Variants in SND1 observed in about 807,000 individuals in gnomAD.
SND1 encodes staphylococcal nuclease domain-containing protein 1.
A neutral mutation model predicts 121.7 loss-of-function variants in SND1; 38 were observed. The observed-to-expected ratio is 0.31, with a 90% CI of 0.24 to 0.41. The LOEUF (loss-of-function observed/expected upper bound fraction) is 0.41. Ranked by LOEUF, SND1 falls within the 10% of genes least tolerant of loss-of-function variation. The probability of loss-of-function intolerance (pLI) is 1.00; values close to 1 mark genes in which losing one functional copy is unlikely to be tolerated. For missense variants in SND1, 868 were observed against 1,184.6 expected (o/e 0.73, Z 3.92); for synonymous variants, 401 against 447.4 (o/e 0.90, Z 1.31).
At chr7:127,737,909 C>G (rs926977092) in intron 10 of SND1, among the ~76,000 whole-genome samples, 1 of 152,204 alleles carries the variant, frequency 6.6e-6, no homozygotes, top group African/African-American at 2.4e-5. Context: ...TTGACAAATG[C>G]AGACCCAGGG....
In SND1 at chr7:127,888,423, A is replaced by G. The variant is rs1799951210; in HGVS notation, c.1454+411A>G. Among the ~76,000 whole-genome samples the G allele has an allele frequency of 2.0e-5, 3 of 152,116 alleles. No homozygotes were observed. The South Asian group carries it at 6.2e-4, about 31-fold the overall frequency. On this transcript the variant is annotated intron_variant, in intron 13 of 23. Transcript: ENST00000354725. The stretch of plus-strand genomic sequence containing the variant: ...CTAGCCCCTCCCGTTTACCACCTCT[A>G]GACCTTTTGTCATGTACAAAGGAAA...
At chr7:127,838,322 T>C (rs1204407461) in intron 11 of SND1, among the ~76,000 whole-genome samples, 1 of 152,240 alleles carries the variant, frequency 6.6e-6, no homozygotes, top group Admixed American at 6.5e-5. Flanking sequence ...ACTGATGCAC[T>C]GGTTCTTTGG....
At chr7:127,676,511 G>C (rs1396061197) in intron 1 of SND1, among the ~76,000 whole-genome samples, 1 of 152,156 alleles carries the variant, frequency 6.6e-6, no homozygotes, top group Admixed American at 6.5e-5. Context: ...CACCATCTGA[G>C]GCTATGATTG....
chr7:127,984,013 C>T (rs1405468272), intron 15 of SND1, among the ~76,000 whole-genome samples: 1 of 152,124 alleles, frequency 6.6e-6, no homozygotes, highest in African/African-American at 2.4e-5. Flanking sequence ...ATCCTGTCAC[C>T]CTCTTAGTCA....
chr7:127,797,708 A>C (rs531270943), intron 10 of SND1, among the ~76,000 whole-genome samples: 1 of 152,340 alleles, frequency 6.6e-6, no homozygotes, highest in East Asian at 1.9e-4. Context: ...GTGAGCCTTC[A>C]GGTCCTTTCA....
intron 1 of SND1, among the ~76,000 whole-genome samples, chr7:127,668,377 A>G (rs762984479): frequency 1.5e-4 from 23 of 152,184 alleles, no homozygotes; most frequent in Non-Finnish European, 2.4e-4. Context: ...GCCCTGCCGT[A>G]TGAACACCAT....
intron 15 of SND1, among the ~76,000 whole-genome samples, chr7:127,989,695 A>G (rs1802477284): frequency 6.6e-6 from 1 of 152,168 alleles, no homozygotes. Flanking sequence ...AGAGACACAC[A>G]TACTCCATGC....
intron 1 of SND1, among the ~76,000 whole-genome samples, chr7:127,654,708 T>A (rs1033330186): frequency 2.0e-5 from 3 of 152,230 alleles, no homozygotes; most frequent in African/African-American, 7.2e-5. Context: ...ATTCAGTGAT[T>A]TGAGCCATCT....
chr7:127,866,271 T>G (rs1245750660), intron 12 of SND1, among the ~76,000 whole-genome samples: 1 of 152,216 alleles, frequency 6.6e-6, no homozygotes, highest in East Asian at 1.9e-4. Flanking sequence ...ACAGGGAATA[T>G]TCCAGATGTG....
chr7:127,809,162 G>A (rs1301013750), intron 11 of SND1, among the ~76,000 whole-genome samples: 11 of 152,174 alleles, frequency 7.2e-5, no homozygotes. Context: ...TCTGTCACAG[G>A]ATAAAAGGAC....
intron 8 of SND1, among the ~76,000 whole-genome samples, chr7:127,705,673 A>G (rs1217995724): frequency 6.6e-6 from 1 of 152,132 alleles, no homozygotes; most frequent in Admixed American, 6.5e-5. Context: ...TAGATGGAAG[A>G]AAATAAAGCA....
At chr7:127,876,855 A>G (rs1799700197) in intron 12 of SND1, among the ~76,000 whole-genome samples, 1 of 152,152 alleles carries the variant, frequency 6.6e-6, no homozygotes, top group Non-Finnish European at 1.5e-5. Flanking sequence ...TGTCCCATTT[A>G]GAGAGATTCA....
intron 10 of SND1, among the ~76,000 whole-genome samples, chr7:127,754,306 T>C (rs1424189138): frequency 6.6e-6 from 1 of 152,232 alleles, no homozygotes; most frequent in East Asian, 1.9e-4. Context: ...CCTCTCTGAT[T>C]GGATGTTTTG....
At chr7:127,703,434 C>T in intron 7 of SND1, 111 bp downstream of exon 7, 1 of 1,306,108 alleles carries the variant, frequency 7.7e-7, no homozygotes, top group Non-Finnish European at 1.0e-6. Flanking sequence ...AAGATATTGG[C>T]CAGTTGTGGT....
At chr7:127,831,095 CTG>C (rs948010416) in intron 11 of SND1, among the ~76,000 whole-genome samples, 3 of 152,176 alleles carry the variant, frequency 2.0e-5, no homozygotes, top group Admixed American at 1.3e-4. Flanking sequence ...TTTTTATTGA[CTG>C]TACTGTGTTG....
chr7:128,034,823 A>G (rs1246210320), intron 16 of SND1, among the ~76,000 whole-genome samples: 1 of 152,232 alleles, frequency 6.6e-6, no homozygotes, highest in Non-Finnish European at 1.5e-5. Context: ...GTCGTTGCAC[A>G]CAGCCCTTCT....
chr7:128,061,311 G>A (rs940663519), intron 16 of SND1, among the ~76,000 whole-genome samples: 2 of 152,174 alleles, frequency 1.3e-5, no homozygotes, highest in African/African-American at 2.4e-5. Context: ...ATATTTCTCC[G>A]TATCTCACCT....
chr7:127,858,395 A>C (rs1799321600), intron 12 of SND1: 1 of 1,260,960 alleles, frequency 7.9e-7, no homozygotes, highest in Non-Finnish European at 1.1e-6. Flanking sequence ...GAGCTCCAAA[A>C]GTCCCTCCAA....
chr7:127,669,093 A>G (rs749118695), intron 1 of SND1, among the ~76,000 whole-genome samples: 2 of 152,076 alleles, frequency 1.3e-5, no homozygotes, highest in African/African-American at 4.8e-5. Flanking sequence ...TCCAGGTTCA[A>G]GCGATTCTTC....
Sources: gnomAD v4.1 joint callset for allele counts (sites outside exome capture counted in the v4.1 genomes callset) on GRCh38, gnomAD v4.1.1 for gene constraint, MANE v1.5 for transcripts, NCBI Gene and HGNC (gene_info 2026-07-23, HGNC 2026-07-21) for gene names.